RUNX1T1: variants seen among roughly 807,000 people sequenced by gnomAD.
RUNX1T1 encodes protein CBFA2T1.
RUNX1T1 carries 4 observed loss-of-function variants against 62.8 expected under a neutral mutation model. That is an observed-to-expected ratio of 0.06 (90% confidence interval 0.03 to 0.15). RUNX1T1 has a LOEUF of 0.15. Among genes scored for constraint, RUNX1T1 ranks in the 10% least tolerant of loss-of-function variants. The pLI is 1.00. For missense variants in RUNX1T1, 508 were observed against 754.3 expected, an observed-to-expected ratio of 0.67 and a Z score of 3.82; for synonymous variants, 291 against 286.0, an observed-to-expected ratio of 1.02 and a Z score of -0.18.
At chr8:92,050,320 G>A (rs1485915966) in intron 1 of RUNX1T1, among the ~76,000 whole-genome samples, 1 of 152,142 alleles carries the variant, frequency 6.6e-6, no homozygotes, top group East Asian at 1.9e-4. Context: ...AATATTTGAA[G>A]TGTTTTATTA....
intron 5 of RUNX1T1, among the ~76,000 whole-genome samples, chr8:92,003,981 T>C (rs1475318668): frequency 1.3e-5 from 2 of 152,216 alleles, no homozygotes; most frequent in Non-Finnish European, 2.9e-5. Context: ...GGAACAAAAT[T>C]ACAGAGATTG....
chr8:92,098,079 G>C lies in RUNX1T1; in HGVS notation c.-86+1501C>G, dbSNP rs574507330. Among the ~76,000 whole-genome samples the C allele has an allele frequency of 2.6e-5, 4 of 152,312 alleles. No individual in the cohort carries two copies. In the East Asian group the frequency reaches 7.7e-4, roughly 29 times the overall value. On this transcript the variant is annotated intron_variant, in intron 1 of 11. Coordinates refer to the RUNX1T1 transcript ENST00000265814. ...AAGTCCATCTGCCCCAGGCAGATAAGTTTTGAAGCATTAATTCAGATAAAA... is the reference window on the plus strand; with the variant it reads ...AAGTCCATCTGCCCCAGGCAGATAACTTTTGAAGCATTAATTCAGATAAAA...
intron 1 of RUNX1T1, among the ~76,000 whole-genome samples, chr8:92,085,620 A>G (rs912557075): frequency 3.9e-5 from 6 of 152,218 alleles, no homozygotes; most frequent in African/African-American, 1.4e-4. Flanking sequence ...AGATTTTAGA[A>G]CAAAACCACA....
At chr8:92,008,361 C>T (rs1821236089) in intron 4 of RUNX1T1, among the ~76,000 whole-genome samples, 1 of 138,950 alleles carries the variant, frequency 7.2e-6, no homozygotes, top group South Asian at 2.4e-4. Flanking sequence ...TATTTGGGTG[C>T]CACATATCTC....
chr8:91,964,856 T>C (rs191697819), intron 10 of RUNX1T1, among the ~76,000 whole-genome samples: 10 of 152,260 alleles, frequency 6.6e-5, no homozygotes, highest in African/African-American at 2.2e-4. Context: ...GGCACAGGCT[T>C]CAAAAGCCAG....
intron 1 of RUNX1T1, among the ~76,000 whole-genome samples, chr8:92,061,829 G>A (rs1017598769): frequency 5.9e-5 from 9 of 152,084 alleles, no homozygotes. Context: ...AATTTAGACA[G>A]TTCTTGAGAA....
rs756518379 is a variant in RUNX1T1, at chr8:91,975,878, A to C, written c.1267+27T>G. The C allele has an allele frequency of 3.7e-5, 57 of 1,530,986 alleles. 2 individuals carry two copies. The Middle Eastern group carries it at 1.2e-3, about 32-fold the overall frequency. The allele number at this position is 1,530,986 out of a possible 1,614,324, so 94.8% of individuals were successfully genotyped here. ...AACTGCACACAGCTGCCAGAACACG[A>C]AACTCATGTTTTTAAACAATTCTTA... On this transcript the variant is annotated intron_variant, in intron 9 of 10. Coordinates refer to ENST00000396218, the Ensembl canonical transcript of RUNX1T1.
At chr8:91,981,668 G>A (rs1487254178) in intron 8 of RUNX1T1, among the ~76,000 whole-genome samples, 1 of 151,724 alleles carries the variant, frequency 6.6e-6, no homozygotes, top group African/African-American at 2.4e-5. Flanking sequence ...GCCCGCCTCG[G>A]CCTCCCCAAG....
At chr8:92,099,922 G>C (rs1837960858), upstream of RUNX1T1, among the ~76,000 whole-genome samples, 2 of 152,172 alleles carry the variant, frequency 1.3e-5, no homozygotes, top group Non-Finnish European at 2.9e-5. Flanking sequence ...CCTTAAATGT[G>C]TGTAGTTCTT....
chr8:92,062,935 G>C (rs1832310155), exon 1 of RUNX1T1: 1 of 1,280,040 alleles, frequency 7.8e-7, no homozygotes, highest in Non-Finnish European at 1.0e-6. Context: ...AATTCAGAAT[G>C]ATAAGCTAAA....
chr8:92,061,902 T>C (rs1053748709), intron 1 of RUNX1T1, among the ~76,000 whole-genome samples: 1 of 152,142 alleles, frequency 6.6e-6, no homozygotes, highest in South Asian at 2.1e-4. Context: ...CTGGCAACGA[T>C]CACAGAAACA....
intron 5 of RUNX1T1, among the ~76,000 whole-genome samples, chr8:92,000,730 A>G (rs2130976534): frequency 6.6e-6 from 1 of 152,206 alleles, no homozygotes; most frequent in Non-Finnish European, 1.5e-5. Flanking sequence ...TTTCTAACTG[A>G]CTCATTAAGC....
intron 1 of RUNX1T1, among the ~76,000 whole-genome samples, chr8:92,058,281 G>A (rs948435959): frequency 1.2e-4 from 18 of 152,068 alleles, no homozygotes; most frequent in African/African-American, 4.3e-4. Context: ...TTCTGTTGTC[G>A]TAGCCTTACA....
chr8:92,048,506 C>T (rs1217665993), intron 1 of RUNX1T1, among the ~76,000 whole-genome samples: 1 of 151,978 alleles, frequency 6.6e-6, no homozygotes, highest in Non-Finnish European at 1.5e-5. Context: ...CAGTGAGACC[C>T]CATCTCTCTT....
At chr8:92,026,116 G>T (rs1320252980) in intron 1 of RUNX1T1, among the ~76,000 whole-genome samples, 1 of 152,178 alleles carries the variant, frequency 6.6e-6, no homozygotes. Flanking sequence ...TGTTTTGTCT[G>T]TGGATGGTGG....
chr8:92,096,382 A>C (rs1295522841), intron 1 of RUNX1T1, among the ~76,000 whole-genome samples: 3 of 152,194 alleles, frequency 2.0e-5, no homozygotes, highest in Non-Finnish European at 4.4e-5. Flanking sequence ...AATCAATCAG[A>C]GAACAAGCAA....
At chr8:92,008,224 A>C (rs958452482) in intron 4 of RUNX1T1, among the ~76,000 whole-genome samples, 5 of 152,060 alleles carry the variant, frequency 3.3e-5, no homozygotes, top group Non-Finnish European at 5.9e-5. Context: ...AGGAGACAAA[A>C]AACAGTATCT....
At chr8:92,080,579 T>C (rs1349975078) in intron 1 of RUNX1T1, among the ~76,000 whole-genome samples, 1 of 152,258 alleles carries the variant, frequency 6.6e-6, no homozygotes, top group African/African-American at 2.4e-5. Flanking sequence ...CAATTGAGCA[T>C]GTCAGCTGTT....
intron 1 of RUNX1T1, among the ~76,000 whole-genome samples, chr8:92,019,599 C>T (rs1823700438): frequency 6.6e-6 from 1 of 152,104 alleles, no homozygotes; most frequent in Non-Finnish European, 1.5e-5. Context: ...CCCTACCTGA[C>T]TCAAGTTTAT....
Sources: gnomAD v4.1 joint callset for allele counts (sites outside exome capture counted in the v4.1 genomes callset) on GRCh38, gnomAD v4.1.1 for gene constraint, MANE v1.5 for transcripts, NCBI Gene and HGNC (gene_info 2026-07-23, HGNC 2026-07-21) for gene names.